HS6ST3: variants seen among roughly 807,000 people sequenced by gnomAD.
The protein encoded by HS6ST3 is heparan sulfate 6-O-sulfotransferase 3, also known as heparan-sulfate 6-O-sulfotransferase 3.
A neutral mutation model predicts 36.7 loss-of-function variants in HS6ST3; 12 were observed. That is an observed-to-expected ratio of 0.33 (90% CI 0.21 to 0.53). HS6ST3 has a LOEUF of 0.53. Among genes scored for constraint, HS6ST3 ranks in the 20% least tolerant of loss-of-function variants. The pLI, the probability that HS6ST3 is intolerant of heterozygous loss-of-function variation, is 0.95. For missense variants in HS6ST3, 584 were observed against 640.9 expected (o/e 0.91, Z 0.96); for synonymous variants, 240 against 257.5 (o/e 0.93, Z 0.65).
chr13:96,703,898 T>A lies in HS6ST3; in HGVS notation c.708-128592T>A, dbSNP rs80102204. 7.8e-3 allele frequency among the ~76,000 whole-genome samples: 1,193 copies of A among 152,262 alleles called. 13 individuals are homozygous for A. Among genetic ancestry groups the A allele is most frequent in the Non-Finnish European group, 0.013 (916 of 68,012 alleles). ...AGTGAGTTCTCACAAGTTCTGATGA[T>A]TTAAAAGTGTTTGGCTTTCCCTCTC... On this transcript the variant is annotated intron_variant, in intron 1 of 1. Coordinates refer to ENST00000376705, the MANE Select transcript of HS6ST3 (RefSeq NM_153456.4).
intron 1 of HS6ST3, among the ~76,000 whole-genome samples, chr13:96,366,860 T>G (rs1315696228): frequency 6.6e-6 from 1 of 152,210 alleles, no homozygotes; most frequent in Non-Finnish European, 1.5e-5. Flanking sequence ...CATACTGTTC[T>G]CATGGTAGTG....
chr13:96,168,606 A>G (rs1359894842), intron 1 of HS6ST3, among the ~76,000 whole-genome samples: 7 of 151,712 alleles, frequency 4.6e-5, no homozygotes, highest in African/African-American at 1.7e-4. Flanking sequence ...CAGGAGGCTA[A>G]GGCAGGAGGA....
chr13:96,140,652 A>G (rs2054027382), intron 1 of HS6ST3, among the ~76,000 whole-genome samples: 2 of 152,232 alleles, frequency 1.3e-5, no homozygotes, highest in South Asian at 4.1e-4. Context: ...CATAAAGACC[A>G]TTGTAAAAGA....
At chr13:96,571,118 A>G (rs1024118419) in intron 1 of HS6ST3, among the ~76,000 whole-genome samples, 5 of 152,210 alleles carry the variant, frequency 3.3e-5, no homozygotes, top group South Asian at 4.1e-4. Context: ...AGATGATAAA[A>G]GACCAATGGA....
chr13:96,701,127 A>G (rs189178989), intron 1 of HS6ST3, among the ~76,000 whole-genome samples: 1 of 152,360 alleles, frequency 6.6e-6, no homozygotes, highest in African/African-American at 2.4e-5. Context: ...CAGTGGTTTT[A>G]AATAGTTGGA....
chr13:96,369,859 C>CT (rs1566340134), intron 1 of HS6ST3, among the ~76,000 whole-genome samples: 1 of 151,674 alleles, frequency 6.6e-6, no homozygotes, highest in South Asian at 2.1e-4. Context: ...TTCAGAAGAT[C>CT]TTTTTTTTAA....
intron 1 of HS6ST3, among the ~76,000 whole-genome samples, chr13:96,225,718 C>A (rs1241156356): frequency 6.6e-6 from 1 of 152,100 alleles, no homozygotes; most frequent in Non-Finnish European, 1.5e-5. Context: ...ATTTATCTGG[C>A]AATTCTATTT....
intron 1 of HS6ST3, among the ~76,000 whole-genome samples, chr13:96,334,390 C>T (rs1244889968): frequency 6.6e-6 from 1 of 152,084 alleles, no homozygotes; most frequent in Non-Finnish European, 1.5e-5. Context: ...TGACGTCTCC[C>T]CAGAAGCAGA....
chr13:96,346,509 A>T (rs553403079), intron 1 of HS6ST3, among the ~76,000 whole-genome samples: 111 of 151,724 alleles, frequency 7.3e-4, no homozygotes, highest in Non-Finnish European at 2.8e-4. Context: ...CGGGAGGCGG[A>T]GCTTGCAGTG....
intron 1 of HS6ST3, among the ~76,000 whole-genome samples, chr13:96,275,956 G>A (rs562868765): frequency 6.6e-6 from 1 of 152,052 alleles, no homozygotes; most frequent in Non-Finnish European, 1.5e-5. Context: ...CACAGCCTGG[G>A]TGTAGAGTTG....
chr13:96,492,064 C>G (rs1232163056), intron 1 of HS6ST3, among the ~76,000 whole-genome samples: 1 of 152,132 alleles, frequency 6.6e-6, no homozygotes, highest in Non-Finnish European at 1.5e-5. Flanking sequence ...GAGGACAAAA[C>G]CCCCTGATTT....
At chr13:96,407,965 A>C (rs1441482258) in intron 1 of HS6ST3, among the ~76,000 whole-genome samples, 1 of 152,134 alleles carries the variant, frequency 6.6e-6, no homozygotes, top group Admixed American at 6.6e-5. Flanking sequence ...ATTTTGAGAC[A>C]GTGTCTTGCT....
chr13:96,769,734 C>CTGTGTGTGTGTG (rs66777701), intron 1 of HS6ST3, among the ~76,000 whole-genome samples: 96 of 140,304 alleles, frequency 6.8e-4, no homozygotes, highest in African/African-American at 2.5e-3. Flanking sequence ...ATTCCTAGCT[C>CTGTGTGTGTGTG]TGTGTGTGTG....
At chr13:96,825,940 T>C (rs1878637075) in intron 1 of HS6ST3, among the ~76,000 whole-genome samples, 1 of 152,192 alleles carries the variant, frequency 6.6e-6, no homozygotes, top group African/African-American at 2.4e-5. Flanking sequence ...CTTGAGGGCA[T>C]TTTCTTCTTT....
At chr13:96,658,483 A>G (rs1172231381) in intron 1 of HS6ST3, among the ~76,000 whole-genome samples, 1 of 150,594 alleles carries the variant, frequency 6.6e-6, no homozygotes, top group Non-Finnish European at 1.5e-5. Flanking sequence ...GGGTTTCACC[A>G]TGTTGGTCAG....
chr13:96,290,298 G>A (rs1414194676), intron 1 of HS6ST3, among the ~76,000 whole-genome samples: 1 of 152,078 alleles, frequency 6.6e-6, no homozygotes, highest in African/African-American at 2.4e-5. Context: ...TTCTTGTCTG[G>A]TTGCATCCCT....
chr13:96,520,336 G>A (rs367928582), intron 1 of HS6ST3, among the ~76,000 whole-genome samples: 2,546 of 13,372 alleles, frequency 0.19, 73 homozygotes, highest in African/African-American at 0.21. Flanking sequence ...TTGGCTATGC[G>A]GGCTCTGTTT....
intron 1 of HS6ST3, among the ~76,000 whole-genome samples, chr13:96,299,082 G>A (rs1479097656): frequency 2.0e-5 from 3 of 151,992 alleles, no homozygotes; most frequent in Non-Finnish European, 4.4e-5. Flanking sequence ...TGTTTCTTTG[G>A]GCTATTTCTC....
chr13:96,504,017 C>G lies in HS6ST3; in HGVS notation c.708-328473C>G, dbSNP rs545180708. The stretch of plus-strand genomic sequence containing the variant: ...TCTCCTGTTTCTTCTTATAAGGACA[C>G]TAATCCCATCTATGAGGGCTCCACC... On this transcript the variant is annotated intron_variant, in intron 1 of 1. Transcript: ENST00000376705. Among the ~76,000 whole-genome samples, 3 of 152,246 alleles carry G rather than the reference C, an allele frequency of 2.0e-5. No individual in the cohort carries two copies. In the South Asian group the frequency reaches 6.2e-4, roughly 32 times the overall value.
Sources: allele counts gnomAD v4.1 joint callset (sites outside exome capture counted in the v4.1 genomes callset), GRCh38; gene constraint gnomAD v4.1.1; transcripts MANE v1.5; gene names NCBI Gene and HGNC (gene_info 2026-07-23, HGNC 2026-07-21).